POLN: variants seen among roughly 807,000 people sequenced by gnomAD.
POLN encodes the protein DNA polymerase nu.
Under a neutral mutation model 113.5 loss-of-function variants are expected in POLN, and 108 were observed. The observed-to-expected ratio is 0.95, with a 90% CI of 0.81 to 1.12. POLN has a LOEUF of 1.12. POLN is among the 50% of genes most tolerant of loss of function. POLN has a pLI of 0.00. For missense variants in POLN, 1,097 were observed against 1,077.1 expected (o/e 1.02, Z -0.26); for synonymous variants, 386 against 391.5 (o/e 0.99, Z 0.17).
chr4:2,168,352 G>A (rs1732779897), intron 13 of POLN, among the ~76,000 whole-genome samples: 1 of 152,220 alleles, frequency 6.6e-6, no homozygotes, highest in Non-Finnish European at 1.5e-5. Context: ...GGAAAGGGAG[G>A]ATGGAGAGAA....
At chr4:2,182,904 T>C (rs1479012085) in intron 7 of POLN, among the ~76,000 whole-genome samples, 2 of 151,146 alleles carry the variant, frequency 1.3e-5, no homozygotes, top group African/African-American at 2.4e-5. Context: ...TATTTGCAAA[T>C]TGTATATCTG....
chr4:2,072,877 C>A, intron 25 of POLN, 91 bp downstream of exon 25: 1 of 1,382,022 alleles, frequency 7.2e-7, no homozygotes. Flanking sequence ...GCTGGGGCTG[C>A]ACCCTTTGGC....
chr4:2,168,472 G>A (rs1036007444), intron 13 of POLN, among the ~76,000 whole-genome samples: 3 of 152,246 alleles, frequency 2.0e-5, no homozygotes, highest in Admixed American at 6.5e-5. Flanking sequence ...CAAAGAGTGA[G>A]GCTAATATGA....
intron 5 of POLN, among the ~76,000 whole-genome samples, chr4:2,203,845 C>T (rs572375951): frequency 2.0e-5 from 3 of 152,160 alleles, no homozygotes; most frequent in South Asian, 4.2e-4. Flanking sequence ...CACAGGGGCT[C>T]ACGCCTGTAA....
At chr4:2,198,799 G>A in intron 5 of POLN, 82 bp from the exon 6 acceptor site, 2 of 1,339,300 alleles carry the variant, frequency 1.5e-6, no homozygotes, top group Non-Finnish European at 2.0e-6. Context: ...TAAGCAGAGA[G>A]AAAGAGAAAA....
intron 6 of POLN, among the ~76,000 whole-genome samples, chr4:2,193,801 C>G (rs1239320987): frequency 6.6e-6 from 1 of 152,206 alleles, no homozygotes; most frequent in Non-Finnish European, 1.5e-5. Flanking sequence ...ACAGTTTTCA[C>G]AAACTGTTCA....
At chr4:2,217,071 T>C (rs1425392345) in intron 3 of POLN, among the ~76,000 whole-genome samples, 1 of 152,190 alleles carries the variant, frequency 6.6e-6, no homozygotes, top group Non-Finnish European at 1.5e-5. Context: ...ACTTCGTGAC[T>C]GTTCCCACAG....
At chr4:2,238,669 A>C (rs1205747360) in intron 2 of POLN, 3 of 1,613,178 alleles carry the variant, frequency 1.9e-6, no homozygotes, top group African/African-American at 2.7e-5. Context: ...AAACTGATGG[A>C]TCTGTTAACA....
At chr4:2,103,621 A>G (rs1202716078) in intron 19 of POLN, among the ~76,000 whole-genome samples, 1 of 152,224 alleles carries the variant, frequency 6.6e-6, no homozygotes, top group Non-Finnish European at 1.5e-5. Context: ...CCGGGAAAAT[A>G]CAATGTGAAA....
Position 2,198,533 on chromosome 4 carries a change from T to A in POLN, c.899A>T (p.Gln300Leu). ...IWDQEQEAHQQFARNVLFQTM... is the reference protein window; with the variant it reads ...IWDQEQEAHQLFARNVLFQTM... ...TGTGAAGATTTCTTACCGGGCAAAT[T>A]GTTGATGTGCCTCCTGTTCTTGGTC... The change falls in exon 6 of 26, where the codon CAA becomes CTA. Residue 300 changes from glutamine (Q) to leucine (L), a missense_variant. Transcript: ENST00000511885. 1 of 1,608,720 alleles carries A rather than the reference T, an allele frequency of 6.2e-7. No individual in the cohort carries two copies. The highest frequency in any genetic ancestry group is 1.1e-5 in the South Asian group (1 of 90,140).
chr4:2,139,214 G>A (rs139828799), intron 16 of POLN, among the ~76,000 whole-genome samples: 516 of 152,302 alleles, frequency 3.4e-3, no homozygotes, highest in African/African-American at 0.011. Context: ...CCACGGAAAC[G>A]GGCCAGGCCC....
At chr4:2,167,573 T>C (rs1014744110) in intron 13 of POLN, among the ~76,000 whole-genome samples, 2 of 152,180 alleles carry the variant, frequency 1.3e-5, no homozygotes, top group East Asian at 1.9e-4. Context: ...TGACATTGCA[T>C]AGACTGTGTT....
intron 11 of POLN, among the ~76,000 whole-genome samples, chr4:2,173,282 G>A (rs950025353): frequency 6.6e-6 from 1 of 152,126 alleles, no homozygotes; most frequent in Non-Finnish European, 1.5e-5. Flanking sequence ...CCTGGCATGT[G>A]CTTTAGCCTT....
intron 19 of POLN, among the ~76,000 whole-genome samples, chr4:2,117,408 A>C (rs1731343765): frequency 6.6e-6 from 1 of 152,206 alleles, no homozygotes; most frequent in African/African-American, 2.4e-5. Context: ...TACACACAGA[A>C]TATATTTATC....
At chr4:2,084,472 G>A (rs1314583376) in intron 21 of POLN, among the ~76,000 whole-genome samples, 1 of 152,202 alleles carries the variant, frequency 6.6e-6, no homozygotes, top group African/African-American at 2.4e-5. Context: ...GTCCCCCAAG[G>A]ACTGTAAGCT....
rs1731602587 is a variant in POLN, at chr4:2,127,178, G to A, written c.1982+935C>T. 6.6e-6 allele frequency among the ~76,000 whole-genome samples: 1 copy of A among 151,552 alleles called. No homozygotes were observed. The highest frequency in any genetic ancestry group is 1.5e-5 in the Non-Finnish European group (1 of 67,844). Reference sequence around the variant, plus strand: ...AGGGAGGGGTGAGGGGGCCGTAGGGGGAGCAGAAGAGGCCCAAGGTGATGG... The same window carrying A: ...AGGGAGGGGTGAGGGGGCCGTAGGGAGAGCAGAAGAGGCCCAAGGTGATGG... On this transcript the variant is annotated intron_variant, in intron 19 of 25. Coordinates refer to ENST00000511885, the MANE Select transcript of POLN (RefSeq NM_181808.4). This position sits in a 1 kb window ranked among gnomAD's most constrained non-coding sequence, Gnocchi z 4.7.
Position 2,131,287 on chromosome 4 carries a change from T to C in POLN, c.1735A>G (p.Ile579Val). 6.3e-7 allele frequency: 1 copy of C among 1,577,232 alleles called. No homozygotes were observed. Among genetic ancestry groups the C allele is most frequent in the Non-Finnish European group, 8.7e-7 (1 of 1,147,744 alleles). Residue 579 changes from isoleucine to valine, a missense_variant, in exon 17 of 26, where the codon ATC (isoleucine) becomes GTC (valine). Physicochemically the swap from Ile to Val is conservative, Grantham distance 29. Coordinates refer to ENST00000511885, the MANE Select transcript of POLN (RefSeq NM_181808.4). ...ATTGGGTGCTTGGAGATACCTTGGA[T>C]ATTCTGTTAATAATAAGAGACTAGC... ...TGRLSAKHPN[I>V]QGISKHPIQI...
intron 16 of POLN, among the ~76,000 whole-genome samples, chr4:2,141,471 C>T (rs1436339449): frequency 6.6e-6 from 1 of 152,166 alleles, no homozygotes; most frequent in East Asian, 1.9e-4. Flanking sequence ...CAGCTGTGGC[C>T]ACCCTGTCCT....
At chr4:2,226,683 G>C (rs1470218670) in intron 3 of POLN, among the ~76,000 whole-genome samples, 1 of 152,136 alleles carries the variant, frequency 6.6e-6, no homozygotes, top group Non-Finnish European at 1.5e-5. Context: ...AAGAAAATTA[G>C]ACCCCAAAAT....
Sources: gnomAD v4.1 joint callset for allele counts (sites outside exome capture counted in the v4.1 genomes callset) on GRCh38, gnomAD v4.1.1 for gene constraint, Gnocchi (gnomAD v3.1) non-coding constraint, MANE v1.5 for transcripts, NCBI Gene and HGNC (gene_info 2026-07-23, HGNC 2026-07-21) for gene names.